The following GPATCH2L variants were observed in gnomAD, a reference collection of about 807,000 sequenced individuals.
The protein encoded by GPATCH2L is G-patch domain containing 2 like, also known as G patch domain-containing protein 2-like.
GPATCH2L carries 31 observed loss-of-function variants against 57.4 expected under a neutral mutation model. That is an observed-to-expected ratio of 0.54 (90% confidence interval 0.41 to 0.73). GPATCH2L has a LOEUF of 0.73. GPATCH2L is among the 30% of genes least tolerant of loss of function. The pLI is 0.00. For synonymous variants in GPATCH2L, 199 were observed against 210.7 expected (o/e 0.94, Z 0.48); for missense variants, 481 against 599.9 (o/e 0.80, Z 2.07).
At chr14:76,187,116 T>C (rs901738295) in intron 8 of GPATCH2L, among the ~76,000 whole-genome samples, 2 of 151,856 alleles carry the variant, frequency 1.3e-5, no homozygotes, top group Admixed American at 1.3e-4. Flanking sequence ...TTTCCCCTCC[T>C]GACTGCTTAA....
chr14:76,172,210 T>G (rs2039117169), intron 4 of GPATCH2L, among the ~76,000 whole-genome samples, 191 bp downstream of exon 4: 1 of 152,194 alleles, frequency 6.6e-6, no homozygotes, highest in South Asian at 2.1e-4. Flanking sequence ...CTTCCTAAAC[T>G]AATCCATGGA....
At chr14:76,171,294 A>C (rs8003207) in intron 3 of GPATCH2L, among the ~76,000 whole-genome samples, 1 of 150,182 alleles carries the variant, frequency 6.7e-6, no homozygotes, top group Non-Finnish European at 1.5e-5. Context: ...AAAAAAAAAG[A>C]CTGGGCGCGG....
In GPATCH2L at chr14:76,210,238, T is replaced by C. The variant is rs1033358539; in HGVS notation, c.*8387T>C. ...ACAACTCTAAAGGTAGGTACTTTTA[T>C]CTCCATTTTAAAACAATGAAATACA... On this transcript the variant is annotated 3_prime_UTR_variant, in exon 10 of 10. Transcript: ENST00000261530. The C allele has an allele frequency of 2.6e-5, 4 of 152,194 alleles. No homozygotes were observed. The highest frequency in any genetic ancestry group is 9.7e-5 in the African/African-American group (4 of 41,450). 9.4% of individuals were successfully genotyped at this position (152,194 alleles called of 1,614,324 possible). A position where few individuals can be genotyped will look rare whatever the true frequency, so the allele number is the denominator to read the frequency against.
rs557819783 is a variant in GPATCH2L at position 76,179,658 on chromosome 14, T to C, written c.1108-1106T>C. ...TTCTCATAAAACAAGTTTGAAGTTA[T>C]CATTCCGGGTTCTTCCAGTCTTTGT... On this transcript the variant is annotated intron_variant, in intron 7 of 9. Transcript: ENST00000261530. 6 of 152,336 alleles carry C rather than the reference T, an allele frequency of 3.9e-5. No individual in the cohort carries two copies. In the South Asian group the frequency reaches 8.3e-4, roughly 21 times the overall value. The allele number at this position is 152,336 out of a possible 1,614,324, so 9.4% of individuals were successfully genotyped here. A position where few individuals can be genotyped will look rare whatever the true frequency, so the allele number is the denominator to read the frequency against.
chr14:76,221,978 A>G (rs549883609), intron 1 of GPATCH2L, among the ~76,000 whole-genome samples: 14 of 152,356 alleles, frequency 9.2e-5, no homozygotes, highest in East Asian at 7.7e-4. Flanking sequence ...TGGACTTTGG[A>G]TGATAAAGAT....
At chr14:76,193,088 A>C (rs190047357) in intron 8 of GPATCH2L, among the ~76,000 whole-genome samples, 1 of 152,302 alleles carries the variant, frequency 6.6e-6, no homozygotes, top group Admixed American at 6.5e-5. Context: ...TAGCACCCTA[A>C]GATGTTGTGG....
intron 3 of GPATCH2L, among the ~76,000 whole-genome samples, chr14:76,171,277 T>TA (rs57103783): frequency 0.15 from 19,604 of 133,348 alleles, 1,392 homozygotes; most frequent in South Asian, 0.19. Context: ...TACAGAGAAT[T>TA]AAAAAAAAAA....
chr14:76,192,838 C>T (rs144342229), intron 8 of GPATCH2L, among the ~76,000 whole-genome samples: 25 of 152,260 alleles, frequency 1.6e-4, no homozygotes, highest in East Asian at 1.9e-4. Context: ...GTCTTCAGTT[C>T]TTTCCTGTTA....
intron 2 of GPATCH2L, among the ~76,000 whole-genome samples, chr14:76,232,190 G>A (rs572309688): frequency 6.6e-6 from 1 of 152,350 alleles, no homozygotes; most frequent in South Asian, 2.1e-4. Context: ...GAGATTACAG[G>A]TGTGAGACAC....
At position 76,201,780 on chromosome 14, in the gene GPATCH2L, G is replaced by A; in HGVS notation, c.1378G>A (p.Glu460Lys). The A allele has an allele frequency of 6.2e-7, 1 of 1,614,122 alleles. No individual in the cohort carries two copies. The highest frequency in any genetic ancestry group is 8.5e-7 in the Non-Finnish European group (1 of 1,179,974). The change falls in exon 10 of 10, where the codon GAG (glutamate) becomes AAG (lysine). Residue 460 changes from glutamate (E) to lysine (K), a missense_variant. Glu to Lys is a moderately conservative substitution (Grantham distance 56, BLOSUM62 1). Coordinates refer to ENST00000261530, the MANE Select transcript of GPATCH2L (RefSeq NM_017926.4). ...GTGGTTGGTGAGGACCTCTGCAGCA[G>A]AGAAAGCCACAGACGCAACTACTGC... is the stretch of plus-strand genomic sequence containing the variant. ...SEWLVRTSAA[E>K]KATDATTATF...
chr14:76,197,263 T>TGGCTGCTTTTAGGCCTA (rs2040182404), intron 9 of GPATCH2L, among the ~76,000 whole-genome samples: 1 of 152,200 alleles, frequency 6.6e-6, no homozygotes, highest in Non-Finnish European at 1.5e-5. Flanking sequence ...CCTCATTCAG[T>TGGCTGCTTTTAGGCCTA]CTATGGTATT....
At chr14:76,178,595 A>T (rs1403359688) in intron 7 of GPATCH2L, 2 of 177,328 alleles carry the variant, frequency 1.1e-5, no homozygotes, top group Non-Finnish European at 2.4e-5. Context: ...CCTGGGGGTG[A>T]TGGGAAACAA....
chr14:76,160,835 A>G (rs1222872748), intron 2 of GPATCH2L, among the ~76,000 whole-genome samples: 3 of 152,144 alleles, frequency 2.0e-5, no homozygotes, highest in Non-Finnish European at 4.4e-5. Context: ...AGAAAAGGGA[A>G]GTCTTGAAAG....
chr14:76,152,736 G>T, intron 1 of GPATCH2L: 1 of 456,096 alleles, frequency 2.2e-6, no homozygotes, highest in Non-Finnish European at 4.4e-6. Context: ...TGATGACTTC[G>T]TTCCATGTTC....
At chr14:76,189,745 CAG>C (rs2039896555) in intron 8 of GPATCH2L, among the ~76,000 whole-genome samples, 1 of 152,050 alleles carries the variant, frequency 6.6e-6, no homozygotes, top group African/African-American at 2.4e-5. Context: ...AATTGAGTAA[CAG>C]TGGTGAAGGT....
intron 3 of GPATCH2L, among the ~76,000 whole-genome samples, chr14:76,167,746 T>C (rs937266738): frequency 6.6e-6 from 1 of 152,198 alleles, no homozygotes; most frequent in Non-Finnish European, 1.5e-5. Context: ...CATTAGAGAT[T>C]ATGTGTGTGT....
At chr14:76,220,798 T>A (rs1371449815) in intron 1 of GPATCH2L, among the ~76,000 whole-genome samples, 1 of 152,128 alleles carries the variant, frequency 6.6e-6, no homozygotes, top group East Asian at 1.9e-4. Flanking sequence ...CAGCAGAGCC[T>A]GAAATATTTA....
intron 1 of GPATCH2L, among the ~76,000 whole-genome samples, chr14:76,222,132 C>G (rs1422058298): frequency 6.6e-6 from 1 of 152,152 alleles, no homozygotes; most frequent in Non-Finnish European, 1.5e-5. Context: ...CTACTCTAAA[C>G]TCTATTTTAA....
chr14:76,166,219 A>G (rs113084163), intron 2 of GPATCH2L, among the ~76,000 whole-genome samples: 1 of 152,050 alleles, frequency 6.6e-6, no homozygotes, highest in East Asian at 1.9e-4. Flanking sequence ...TTGTTCATGG[A>G]TTTTTGTTTA....
Sources: allele counts gnomAD v4.1 joint callset (sites outside exome capture counted in the v4.1 genomes callset), GRCh38; gene constraint gnomAD v4.1.1; transcripts MANE v1.5; gene names NCBI Gene and HGNC (gene_info 2026-07-23, HGNC 2026-07-21).